Variants in ATG7 observed in about 807,000 individuals in gnomAD.
ATG7 encodes autophagy related 7, also known as ubiquitin-like modifier-activating enzyme ATG7.
In ATG7, 70 loss-of-function variants were observed where a neutral mutation model predicts 82.4. That is an observed-to-expected ratio of 0.85 (90% CI 0.70 to 1.04). The LOEUF (loss-of-function observed/expected upper bound fraction) is 1.04, where lower values mean the gene tolerates loss of function less well. Among genes scored for constraint, ATG7 ranks in the 50% least tolerant of loss-of-function variants. The probability of loss-of-function intolerance (pLI) is 0.00; values close to 1 mark genes in which losing one functional copy is unlikely to be tolerated. For synonymous variants in ATG7, 287 were observed against 313.0 expected (o/e 0.92, Z 0.88); for missense variants, 792 against 864.3 (o/e 0.92, Z 1.05).
downstream of ATG7, chr3:11,559,578 C>T: frequency 7.3e-7 from 1 of 1,360,890 alleles, no homozygotes; most frequent in Non-Finnish European, 9.7e-7. Context: ...TCTGCCACCT[C>T]CCACTTCAAT....
intron 20 of ATG7, among the ~76,000 whole-genome samples, chr3:11,541,147 G>A (rs896827820): frequency 5.3e-5 from 8 of 152,112 alleles, no homozygotes; most frequent in South Asian, 2.1e-4. Flanking sequence ...TGATCCGCCC[G>A]CCTCGGCCTC....
chr3:11,299,086 T>C (rs1481004608), intron 4 of ATG7: 1 of 605,254 alleles, frequency 1.7e-6, no homozygotes, highest in Non-Finnish European at 2.9e-6. Flanking sequence ...ATCCAAATAA[T>C]ACCCATTACT....
intron 20 of ATG7, among the ~76,000 whole-genome samples, chr3:11,521,737 A>G (rs1156341274): frequency 1.3e-5 from 2 of 151,818 alleles, no homozygotes; most frequent in African/African-American, 2.4e-5. Context: ...TATTTTTAGT[A>G]GAGACGGGGT....
intron 20 of ATG7, chr3:11,446,560 A>G: frequency 4.6e-6 from 2 of 430,882 alleles, no homozygotes. Flanking sequence ...ACACACATCC[A>G]ATGACAGTGT....
rs1266028083 is a variant in ATG7 at position 11,293,609 on chromosome 3, A to G, written c.-10-5077A>G. 4.4e-4 allele frequency among the ~76,000 whole-genome samples: 67 copies of G among 151,882 alleles called. 1 individual carries two copies. The highest frequency in any genetic ancestry group is 4.4e-3 in the Admixed American group (67 of 15,246). On this transcript the variant is annotated intron_variant, in intron 3 of 20. Coordinates refer to ENST00000693202, the MANE Select transcript of ATG7 (RefSeq NM_001349232.2). ...ACATCTGTAATCCCAGCACTTTGGT[A>G]CATCAAGGCAGGCGGATCACTTGAG... is the stretch of plus-strand genomic sequence containing the variant.
chr3:11,316,893 C>T (rs1181024821), intron 9 of ATG7, among the ~76,000 whole-genome samples: 4 of 152,196 alleles, frequency 2.6e-5, no homozygotes, highest in Non-Finnish European at 4.4e-5. Flanking sequence ...AAGCCTTTAA[C>T]TGACGGTCTG....
chr3:11,543,561 G>A (rs1420170069), intron 20 of ATG7, among the ~76,000 whole-genome samples: 2 of 152,190 alleles, frequency 1.3e-5, no homozygotes, highest in Non-Finnish European at 2.9e-5. Flanking sequence ...GAGTGGGAAG[G>A]CAGGCGGGTG....
chr3:11,524,874 G>A (rs991153838), intron 20 of ATG7, among the ~76,000 whole-genome samples: 2 of 152,244 alleles, frequency 1.3e-5, no homozygotes, highest in Admixed American at 1.3e-4. Context: ...TCCAGGTGAG[G>A]TTCTGTGTCT....
At chr3:11,514,442 A>AC (rs2092198988) in intron 20 of ATG7, among the ~76,000 whole-genome samples, 1 of 152,110 alleles carries the variant, frequency 6.6e-6, no homozygotes, top group South Asian at 2.1e-4. Context: ...TGCAGAAGGA[A>AC]CTCTGGTGAT....
intron 20 of ATG7, among the ~76,000 whole-genome samples, chr3:11,512,785 C>T (rs1034204717): frequency 6.6e-6 from 1 of 152,208 alleles, no homozygotes; most frequent in African/African-American, 2.4e-5. Context: ...GAGCGGGTTG[C>T]CATTGCTGGC....
At chr3:11,510,358 T>C (rs1420056202) in intron 20 of ATG7, 2 of 444,722 alleles carry the variant, frequency 4.5e-6, no homozygotes, top group South Asian at 1.6e-5. Context: ...TATTTGTCTT[T>C]GTAAGTTTGT....
intron 20 of ATG7, among the ~76,000 whole-genome samples, chr3:11,493,161 CTCTCAGTG>C (rs1367664529): frequency 6.6e-6 from 1 of 152,188 alleles, no homozygotes; most frequent in African/African-American, 2.4e-5. Flanking sequence ...ATGAGATCAG[CTCTCAGTG>C]GAGAGGGGAG....
chr3:11,321,861 A>G (rs1257798922), intron 9 of ATG7, among the ~76,000 whole-genome samples: 3 of 152,140 alleles, frequency 2.0e-5, no homozygotes, highest in African/African-American at 7.2e-5. Context: ...TTCAAAGGAA[A>G]ATTTTCTTTG....
chr3:11,538,399 G>A (rs182010357), intron 20 of ATG7, among the ~76,000 whole-genome samples: 1 of 152,178 alleles, frequency 6.6e-6, no homozygotes, highest in Non-Finnish European at 1.5e-5. Context: ...GACATGGGAC[G>A]AGACAGACCT....
intron 20 of ATG7, among the ~76,000 whole-genome samples, chr3:11,532,600 G>A (rs2092713795): frequency 6.6e-6 from 1 of 152,156 alleles, no homozygotes; most frequent in South Asian, 2.1e-4. Flanking sequence ...GTGCGCACCT[G>A]TGGTTTCAGC....
intron 14 of ATG7, among the ~76,000 whole-genome samples, chr3:11,355,297 T>A (rs1034246354): frequency 6.6e-6 from 1 of 152,052 alleles, no homozygotes; most frequent in Non-Finnish European, 1.5e-5. Flanking sequence ...CCCTATAAAG[T>A]TTCGAGGGGA....
At chr3:11,465,466 T>C (rs1311887518) in intron 20 of ATG7, among the ~76,000 whole-genome samples, 1 of 147,346 alleles carries the variant, frequency 6.8e-6, no homozygotes, top group African/African-American at 2.5e-5. Context: ...AAAATGAGCC[T>C]GTAAGTCTGG....
intron 18 of ATG7, among the ~76,000 whole-genome samples, chr3:11,366,415 A>T (rs753208045): frequency 6.6e-6 from 1 of 151,706 alleles, no homozygotes; most frequent in African/African-American, 2.4e-5. Flanking sequence ...TTTGACATGC[A>T]TGTGTTAATC....
At chr3:11,491,498 T>C (rs1039498832) in intron 20 of ATG7, among the ~76,000 whole-genome samples, 4 of 152,240 alleles carry the variant, frequency 2.6e-5, no homozygotes, top group African/African-American at 9.6e-5. Context: ...CGTCCAGCTT[T>C]GTTCCATTGC....
Sources: allele counts gnomAD v4.1 joint callset (sites outside exome capture counted in the v4.1 genomes callset), GRCh38; gene constraint gnomAD v4.1.1; transcripts MANE v1.5; gene names NCBI Gene and HGNC (gene_info 2026-07-23, HGNC 2026-07-21).